The following PI4KA variants were observed in gnomAD, a reference collection of about 807,000 sequenced individuals.
The protein encoded by PI4KA is phosphatidylinositol 4-kinase alpha, also known as PI4-kinase alpha.
Under a neutral mutation model 271.4 loss-of-function variants are expected in PI4KA, and 122 were observed. The ratio of observed to expected loss-of-function variants is 0.45; its 90% CI spans 0.39 to 0.52. The LOEUF (loss-of-function observed/expected upper bound fraction) is 0.52. PI4KA is among the 20% of genes least tolerant of loss of function. The pLI is 0.00. For synonymous variants in PI4KA, 1,041 were observed against 1,078.8 expected (o/e 0.96, Z 0.69); for missense variants, 1,969 against 2,769.1 (o/e 0.71, Z 6.48).
At position 20,819,897 on chromosome 22, in the gene PI4KA, T is replaced by C. The variant is rs1475867782; in HGVS notation, c.533A>G (p.Tyr178Cys). Reference sequence around the variant, plus strand: ...GCATGGGATAGCATACTTGCAAAGGTATTCTAGAAGATCAAGTGAAAACGT... The same window carrying C: ...GCATGGGATAGCATACTTGCAAAGGCATTCTAGAAGATCAAGTGAAAACGT... The part of the protein sequence containing the change: ...CQALEIQDKE[Y>C]LCKYAIPCLI... The change falls in exon 6 of 55, where the codon TAC becomes TGC. Residue 178 changes from tyrosine to cysteine, a missense_variant. This residue lies in a region of PI4KA where 540 missense variants were observed against 555.5 expected (regional missense o/e 0.97). Coordinates refer to ENST00000255882, the MANE Select transcript of PI4KA (RefSeq NM_058004.4). 1.9e-6 allele frequency: 3 copies of C among 1,612,948 alleles called. No individual in the cohort carries two copies. Among genetic ancestry groups the C allele is most frequent in the Non-Finnish European group, 2.5e-6 (3 of 1,179,156 alleles).
chr22:20,795,171 ACCC>A (rs1221949274), intron 18 of PI4KA, among the ~76,000 whole-genome samples: 1 of 151,558 alleles, frequency 6.6e-6, no homozygotes, highest in Non-Finnish European at 1.5e-5. Flanking sequence ...AATTTATAGT[ACCC>A]CCGACTTTTT....
rs201202725 is a variant in PI4KA at position 20,796,263 on chromosome 22, G to A, written c.2160C>T (p.Ile720=). The stretch of plus-strand genomic sequence containing the variant: ...GCTCATCCACCAGGTGCTCGTCTTG[G>A]ATGTTGGCCGCGATGTTGGCCAGGG... ...INALANIAAN[I]QDEHLVDELL... The change falls in exon 18 of 55, where the codon ATC becomes ATT. Residue 720 remains isoleucine (I), a synonymous_variant. Transcript: ENST00000255882. 3 of 1,614,140 alleles carry A rather than the reference G, an allele frequency of 1.9e-6. No homozygotes were observed. Among genetic ancestry groups the A allele is most frequent in the Non-Finnish European group, 1.7e-6 (2 of 1,180,014 alleles).
chr22:20,738,610 T>C (rs1358950142), intron 32 of PI4KA, among the ~76,000 whole-genome samples: 2 of 152,108 alleles, frequency 1.3e-5, no homozygotes, highest in South Asian at 2.1e-4. Flanking sequence ...AGGACCTGAA[T>C]GACCACGTGC....
chr22:20,852,646 A>C (rs1359922221), intron 1 of PI4KA, among the ~76,000 whole-genome samples: 1 of 152,158 alleles, frequency 6.6e-6, no homozygotes, highest in African/African-American at 2.4e-5. Flanking sequence ...GACCCTCATT[A>C]TCTCTCTCCT....
At chr22:20,780,364 C>T (rs1181516527) in intron 19 of PI4KA, among the ~76,000 whole-genome samples, 1 of 152,214 alleles carries the variant, frequency 6.6e-6, no homozygotes, top group African/African-American at 2.4e-5. Context: ...GCTGAAGTGA[C>T]AGTAGCATCT....
intron 19 of PI4KA, among the ~76,000 whole-genome samples, chr22:20,769,140 C>T (rs546109557): frequency 2.0e-5 from 3 of 152,182 alleles, no homozygotes; most frequent in South Asian, 2.1e-4. Context: ...AGTAGCTCCA[C>T]GTGGCTGGGA....
At chr22:20,744,041 G>A (rs1196029262) in intron 30 of PI4KA, among the ~76,000 whole-genome samples, 1 of 152,126 alleles carries the variant, frequency 6.6e-6, no homozygotes, top group African/African-American at 2.4e-5. Flanking sequence ...GCAACAGAAC[G>A]AGACTCTGTC....
chr22:20,795,345 C>A (rs1331879844), intron 18 of PI4KA, among the ~76,000 whole-genome samples: 2 of 151,736 alleles, frequency 1.3e-5, no homozygotes, highest in Non-Finnish European at 2.9e-5. Context: ...TACATACCCA[C>A]CCTATCTAAA....
intron 32 of PI4KA, among the ~76,000 whole-genome samples, chr22:20,739,037 C>CA (rs1214493282): frequency 0.018 from 822 of 45,622 alleles, 112 homozygotes; most frequent in East Asian, 0.089. Flanking sequence ...GACTCAGTCA[C>CA]AAAAAAAAAA....
chr22:20,815,158 G>A (rs928918402), intron 7 of PI4KA, among the ~76,000 whole-genome samples: 3 of 151,904 alleles, frequency 2.0e-5, no homozygotes, highest in Non-Finnish European at 2.9e-5. Context: ...CGAGGCGGGT[G>A]GATCACAAGG....
At chr22:20,778,112 C>A (rs1449800223) in intron 19 of PI4KA, among the ~76,000 whole-genome samples, 1 of 152,170 alleles carries the variant, frequency 6.6e-6, no homozygotes, top group East Asian at 1.9e-4. Context: ...AGTATACCTG[C>A]AGCAAGTGAT....
In PI4KA at chr22:20,751,658, T is replaced by C; in HGVS notation, c.3069+16A>G. ...GCGGGTGGTGTTTGGGCCCTAGGTC[T>C]CCTGGGGACACTCACAGCGCTCAGT... On this transcript the variant is annotated intron_variant, in intron 26 of 54. Coordinates refer to ENST00000255882, the MANE Select transcript of PI4KA (RefSeq NM_058004.4). 7 of 1,608,336 alleles carry C rather than the reference T, an allele frequency of 4.4e-6. No individual in the cohort carries two copies. Among genetic ancestry groups the C allele is most frequent in the Non-Finnish European group, 6.0e-6 (7 of 1,174,746 alleles).
At chr22:20,726,955 T>A (rs771924184) in intron 41 of PI4KA, among the ~76,000 whole-genome samples, 2 of 151,832 alleles carry the variant, frequency 1.3e-5, no homozygotes, top group Non-Finnish European at 2.9e-5. Flanking sequence ...CTGTGTGGGG[T>A]GTGCACAGCT....
At chr22:20,732,441 T>A (rs977308383) in intron 36 of PI4KA, among the ~76,000 whole-genome samples, 3 of 152,192 alleles carry the variant, frequency 2.0e-5, no homozygotes, top group African/African-American at 7.2e-5. Context: ...CCTGGAATGC[T>A]TTGCCCTGTC....
Position 20,749,203 on chromosome 22 carries a change from C to T in PI4KA, c.3243+702G>A, listed in dbSNP as rs188262278. Among the ~76,000 whole-genome samples, 59 of 152,320 alleles carry T rather than the reference C, an allele frequency of 3.9e-4. No individual in the cohort carries two copies. The East Asian group carries it at 0.01, about 27-fold the overall frequency. On this transcript the variant is annotated intron_variant, in intron 28 of 54. Transcript: ENST00000255882. ...GGCTCTTGGAGCTGGCTGCTCTATC[C>T]TTCCTGGACTCCACAACCAGAAACA... is the stretch of plus-strand genomic sequence containing the variant.
chr22:20,814,790 T>C (rs949002943), intron 7 of PI4KA, among the ~76,000 whole-genome samples: 4 of 151,878 alleles, frequency 2.6e-5, no homozygotes, highest in Admixed American at 2.6e-4. Flanking sequence ...TTATGTGTAT[T>C]TTACCACAAT....
intron 1 of PI4KA, among the ~76,000 whole-genome samples, chr22:20,843,854 G>A (rs1218186885): frequency 6.6e-6 from 1 of 152,080 alleles, no homozygotes; most frequent in Non-Finnish European, 1.5e-5. Context: ...ATTGCCCAAT[G>A]AACACTCAGT....
At chr22:20,800,754 G>A (rs1269679053) in intron 14 of PI4KA, among the ~76,000 whole-genome samples, 2 of 149,502 alleles carry the variant, frequency 1.3e-5, no homozygotes, top group African/African-American at 4.9e-5. Context: ...GGCACCTGTA[G>A]TCCCAGCTAC....
chr22:20,810,214 A>C (rs564831495), intron 9 of PI4KA, among the ~76,000 whole-genome samples: 30 of 152,242 alleles, frequency 2.0e-4, no homozygotes, highest in African/African-American at 6.7e-4. Flanking sequence ...TACATTAAAG[A>C]CAAGAGTTCC....
Sources: allele counts gnomAD v4.1 joint callset (sites outside exome capture counted in the v4.1 genomes callset), GRCh38; gene constraint gnomAD v4.1.1; regional missense constraint gnomAD v4.1.1; transcripts MANE v1.5; gene names NCBI Gene and HGNC (gene_info 2026-07-23, HGNC 2026-07-21).